Variants in NUP155 observed in about 807,000 individuals in gnomAD.
NUP155 encodes nuclear pore complex protein Nup155.
A neutral mutation model predicts 180.4 loss-of-function variants in NUP155; 71 were observed. The ratio of observed to expected loss-of-function variants is 0.39; its 90% CI spans 0.33 to 0.48. NUP155 has a LOEUF of 0.48. Ranked by LOEUF, NUP155 falls within the 20% of genes least tolerant of loss-of-function variation. The pLI, the probability that NUP155 is intolerant of heterozygous loss-of-function variation, is 0.91. For missense variants in NUP155, 1,553 were observed against 1,648.9 expected (o/e 0.94, Z 1.01); for synonymous variants, 582 against 559.5 (o/e 1.04, Z -0.57).
At position 37,326,051 on chromosome 5, in the gene NUP155, C is replaced by T. The variant is rs368324404; in HGVS notation, c.2025-84G>A. 321 of 960,406 alleles carry T rather than the reference C, an allele frequency of 3.3e-4. 2 individuals are homozygous for T. Among genetic ancestry groups the T allele is most frequent in the South Asian group, 1.7e-3 (130 of 76,012 alleles). 59.5% of individuals were successfully genotyped at this position (960,406 alleles called of 1,614,324 possible). A position where few individuals can be genotyped will look rare whatever the true frequency, so the allele number is the denominator to read the frequency against. ...ATTTCTTTCTCTAGGAACTTAATGG[C>T]TTTATTCAGTTTTTAAAACTTGCAG... On this transcript the variant is annotated intron_variant, in intron 18 of 34. Transcript: ENST00000231498.
intron 1 of NUP155, 35 bp from the exon 2 acceptor site, chr5:37,364,419 A>G: frequency 6.3e-7 from 1 of 1,596,900 alleles, no homozygotes; most frequent in Non-Finnish European, 8.6e-7. Context: ...ATAATAATGT[A>G]CTGCTCATCA....
At chr5:37,358,958 G>C (rs971871973) in intron 3 of NUP155, among the ~76,000 whole-genome samples, 1 of 151,050 alleles carries the variant, frequency 6.6e-6, no homozygotes, top group African/African-American at 2.4e-5. Context: ...CAGAGTTGCA[G>C]TGAGCCGAGA....
intron 33 of NUP155, 60 bp from the exon 34 acceptor site, chr5:37,293,045 C>A (rs1742318913): frequency 8.8e-7 from 1 of 1,130,302 alleles, no homozygotes; most frequent in African/African-American, 1.5e-5. Flanking sequence ...TTATTTAAAT[C>A]ATTTATACTA....
rs2111721554 is a variant in NUP155, at chr5:37,364,142, C to T, written c.295+105G>A. The T allele has an allele frequency of 9.6e-6, 11 of 1,146,396 alleles. No individual in the cohort carries two copies. In the South Asian group the frequency reaches 1.4e-4, roughly 15 times the overall value. 71.0% of individuals were successfully genotyped at this position (1,146,396 alleles called of 1,614,324 possible). A position where few individuals can be genotyped will look rare whatever the true frequency, so the allele number is the denominator to read the frequency against. The stretch of plus-strand genomic sequence containing the variant: ...TACTTAAACGAATTTTAAATAAAAC[C>T]CTTAAATGAATATATAACACATTAA... On this transcript the variant is annotated intron_variant, in intron 2 of 34. Transcript: ENST00000231498.
intron 12 of NUP155, 55 bp downstream of exon 12, chr5:37,337,763 T>C (rs1462309380): frequency 1.4e-5 from 15 of 1,055,608 alleles, no homozygotes; most frequent in Non-Finnish European, 3.0e-6. Context: ...TCTTCCATAT[T>C]ATCCTTCACT....
At chr5:37,316,092 T>C (rs1743865460) in intron 21 of NUP155, among the ~76,000 whole-genome samples, 1 of 152,242 alleles carries the variant, frequency 6.6e-6, no homozygotes, top group African/African-American at 2.4e-5. Flanking sequence ...GCAGAGGCTT[T>C]AATTTGTATT....
At position 37,371,034 on chromosome 5, in the gene NUP155, A is replaced by T; in HGVS notation, c.-57T>A. 6.3e-7 allele frequency: 1 copy of T among 1,585,092 alleles called. No individual in the cohort carries two copies. Among genetic ancestry groups the T allele is most frequent in the South Asian group, 1.1e-5 (1 of 90,514 alleles). On this transcript the variant is annotated 5_prime_UTR_variant, in exon 1 of 35. Transcript: ENST00000231498. ...AAGTCAAAAACCAAGGAGAAACAAG[A>T]AAAGATCCAAGAAGTTAGCTTAGAT...
chr5:37,329,389 G>A, intron 15 of NUP155, 111 bp from the exon 16 acceptor site: 2 of 786,184 alleles, frequency 2.5e-6, no homozygotes, highest in Non-Finnish European at 4.5e-6. Context: ...TTAAACATTA[G>A]AGACTTCAAT....
chr5:37,369,205 T>C (rs1747801425), intron 1 of NUP155, among the ~76,000 whole-genome samples: 1 of 152,024 alleles, frequency 6.6e-6, no homozygotes, highest in Admixed American at 6.6e-5. Context: ...TGAGCTGTGA[T>C]CATGCCACTG....
intron 9 of NUP155, among the ~76,000 whole-genome samples, chr5:37,344,705 C>T (rs769901798): frequency 6.6e-6 from 1 of 151,676 alleles, no homozygotes; most frequent in Non-Finnish European, 1.5e-5. Context: ...AACCCCGTCT[C>T]TACTAAAAAT....
Position 37,289,819 on chromosome 5 carries a change from T to A in NUP155, c.*2081A>T, listed in dbSNP as rs977589869. The A allele has an allele frequency of 6.6e-6, 1 of 152,218 alleles. No homozygotes were observed. The highest frequency in any genetic ancestry group is 1.5e-5 in the Non-Finnish European group (1 of 68,050). The allele number at this position is 152,218 out of a possible 1,614,324, so 9.4% of individuals were successfully genotyped here. On this transcript the variant is annotated 3_prime_UTR_variant, in exon 35 of 35. Coordinates refer to ENST00000231498, the MANE Select transcript of NUP155 (RefSeq NM_153485.3). Reference sequence around the variant, plus strand: ...TGGAGTCACACCTAAATTACAACATTCAGACAAGGCCTTCCTTTTAAGTAG... The same window carrying A: ...TGGAGTCACACCTAAATTACAACATACAGACAAGGCCTTCCTTTTAAGTAG...
At chr5:37,306,208 T>C (rs879719330) in intron 25 of NUP155, among the ~76,000 whole-genome samples, 5 of 150,998 alleles carry the variant, frequency 3.3e-5, no homozygotes, top group African/African-American at 9.7e-5. Context: ...CTGGGCAATA[T>C]AGTGAGGCCC....
Position 37,294,465 on chromosome 5 carries a change from T to C in NUP155, c.3794A>G (p.Asp1265Gly). The change falls in exon 33 of 35, where the codon GAT becomes GGT. Residue 1265 changes from aspartate to glycine, a missense_variant and splice_region_variant. Coordinates refer to ENST00000231498, the MANE Select transcript of NUP155 (RefSeq NM_153485.3). ...CTGTTCTAAAAACTGTACAATAAAA[T>C]CTGGGAAGAAAAAAAAAGATCGGAA... The part of the protein sequence containing the change: ...YAGTPRFFPL[D>G]FIVQFLEQQV... 1.2e-6 allele frequency: 2 copies of C among 1,613,360 alleles called. No homozygotes were observed. Among genetic ancestry groups the C allele is most frequent in the South Asian group, 2.2e-5 (2 of 91,062 alleles).
At position 37,365,738 on chromosome 5, in the gene NUP155, A is replaced by AAAAAAATATAT. The variant is rs1561818758; in HGVS notation, c.158-1355_158-1354insATATATTTTTT. ...GAAAAAAAAAAAAAAAAAAAAAAAA[A>AAAAAAATATAT]ATATATATATATATACACACACACA... is the stretch of plus-strand genomic sequence containing the variant. On this transcript the variant is annotated intron_variant, in intron 1 of 34. Coordinates refer to ENST00000231498, the MANE Select transcript of NUP155 (RefSeq NM_153485.3). 1.1e-4 allele frequency among the ~76,000 whole-genome samples: 4 copies of AAAAAAATATAT among 37,132 alleles called. 1 individual carries two copies. The highest frequency in any genetic ancestry group is 9.2e-5 in the Non-Finnish European group (2 of 21,834). 24.4% of individuals were successfully genotyped at this position (37,132 alleles called of 152,430 possible). A position where few individuals can be genotyped will look rare whatever the true frequency, so the allele number is the denominator to read the frequency against.
chr5:37,344,323 CAG>C (rs1745933862), intron 9 of NUP155, among the ~76,000 whole-genome samples: 1 of 114,046 alleles, frequency 8.8e-6, no homozygotes, highest in South Asian at 2.6e-4. Flanking sequence ...GACTGGGTGA[CAG>C]AGCAAAACTC....
Position 37,289,680 on chromosome 5 carries a change from A to G in NUP155, c.*2220T>C, listed in dbSNP as rs1380417435. ...ACAGACCATCTAACCATGGAAGCCT[A>G]CAGCCCTTTTAAAACATGTACTTTC... On this transcript the variant is annotated 3_prime_UTR_variant, in exon 35 of 35. Coordinates refer to ENST00000231498, the MANE Select transcript of NUP155 (RefSeq NM_153485.3). The G allele has an allele frequency of 6.6e-6, 1 of 152,236 alleles. No homozygotes were observed. The highest frequency in any genetic ancestry group is 1.5e-5 in the Non-Finnish European group (1 of 68,040). The allele number at this position is 152,236 out of a possible 1,614,324, so 9.4% of individuals were successfully genotyped here.
intron 1 of NUP155, among the ~76,000 whole-genome samples, chr5:37,369,856 A>G (rs11955258): frequency 6.6e-6 from 1 of 152,176 alleles, no homozygotes; most frequent in Non-Finnish European, 1.5e-5. Flanking sequence ...CAAAGGGGTC[A>G]CTTTTTCTAG....
intron 12 of NUP155, among the ~76,000 whole-genome samples, chr5:37,334,041 TC>T (rs1357618564): frequency 2.6e-5 from 4 of 151,870 alleles, no homozygotes; most frequent in African/African-American, 9.7e-5. Flanking sequence ...CCTCAGGTGA[TC>T]CGCCCACCTC....
intron 19 of NUP155, among the ~76,000 whole-genome samples, chr5:37,325,263 C>A (rs1223915296): frequency 6.6e-6 from 1 of 152,120 alleles, no homozygotes; most frequent in African/African-American, 2.4e-5. Flanking sequence ...CAAAGTATTA[C>A]ATAGTAAAAT....
Sources: allele counts gnomAD v4.1 joint callset (sites outside exome capture counted in the v4.1 genomes callset), GRCh38; gene constraint gnomAD v4.1.1; transcripts MANE v1.5; gene names NCBI Gene and HGNC (gene_info 2026-07-23, HGNC 2026-07-21).